UTRN: variants seen among roughly 807,000 people sequenced by gnomAD.
UTRN encodes the protein dystrophin-related protein 1.
Under a neutral mutation model 463.9 loss-of-function variants are expected in UTRN, and 283 were observed. That is an observed-to-expected ratio of 0.61 (90% CI 0.55 to 0.67). The LOEUF (loss-of-function observed/expected upper bound fraction) is 0.67, where lower values mean the gene tolerates loss of function less well. Among genes scored for constraint, UTRN ranks in the 30% least tolerant of loss-of-function variants. UTRN has a pLI of 0.00. For missense variants in UTRN, 3,922 were observed against 4,084.3 expected, an observed-to-expected ratio of 0.96 and a Z score of 1.08; for synonymous variants, 1,442 against 1,431.5, an observed-to-expected ratio of 1.01 and a Z score of -0.17.
intron 2 of UTRN, among the ~76,000 whole-genome samples, chr6:144,343,002 AGAGTCATACAGCTAC>A (rs1777265923): frequency 6.6e-6 from 1 of 152,142 alleles, no homozygotes; most frequent in African/African-American, 2.4e-5. Flanking sequence ...GTATTTTGCC[AGAGTCATACAGCTAC>A]TAGTCTAAGG....
chr6:144,605,216 GAC>G (rs1359330432), intron 51 of UTRN, among the ~76,000 whole-genome samples: 4 of 151,988 alleles, frequency 2.6e-5, no homozygotes, highest in African/African-American at 7.3e-5. Flanking sequence ...TATTTTCCAT[GAC>G]AGTTATATAT....
chr6:144,356,843 AAATAT>A (rs1385488657), intron 2 of UTRN, among the ~76,000 whole-genome samples: 1 of 143,732 alleles, frequency 7.0e-6, no homozygotes, highest in Non-Finnish European at 1.5e-5. Context: ...ATAAATAAAT[AAATAT>A]ATGTGTGTGT....
chr6:144,434,703 A>T (rs1786360111), intron 9 of UTRN, among the ~76,000 whole-genome samples: 1 of 152,198 alleles, frequency 6.6e-6, no homozygotes, highest in African/African-American at 2.4e-5. Context: ...AGTGGGGAGA[A>T]AAAAGAGCCT....
chr6:144,595,618 A>G (rs1238492583), intron 51 of UTRN, among the ~76,000 whole-genome samples: 1 of 152,196 alleles, frequency 6.6e-6, no homozygotes, highest in Non-Finnish European at 1.5e-5. Flanking sequence ...TCAGAGCAGG[A>G]CTAATAGCCC....
At chr6:144,767,545 C>G (rs1210741971) in intron 58 of UTRN, among the ~76,000 whole-genome samples, 2 of 152,160 alleles carry the variant, frequency 1.3e-5, no homozygotes, top group African/African-American at 4.8e-5. Flanking sequence ...TCTAAGCACT[C>G]TCTGCCCTAG....
At chr6:144,346,460 T>C (rs1777577916) in intron 2 of UTRN, among the ~76,000 whole-genome samples, 1 of 152,238 alleles carries the variant, frequency 6.6e-6, no homozygotes, top group African/African-American at 2.4e-5. Context: ...GATTTTTTTG[T>C]GTGTGTCCAT....
chr6:144,832,151 T>C (rs1313854417), intron 69 of UTRN, among the ~76,000 whole-genome samples: 1 of 152,262 alleles, frequency 6.6e-6, no homozygotes, highest in Admixed American at 6.5e-5. Context: ...TGGTACCTCA[T>C]GTTCTATCTG....
At chr6:144,337,284 T>C (rs1776812428) in intron 2 of UTRN, among the ~76,000 whole-genome samples, 1 of 152,140 alleles carries the variant, frequency 6.6e-6, no homozygotes, top group Non-Finnish European at 1.5e-5. Context: ...ACTCCTTCTA[T>C]CTACTCCTTC....
intron 37 of UTRN, among the ~76,000 whole-genome samples, chr6:144,515,478 G>GTT (rs980990106): frequency 1.9e-4 from 28 of 144,830 alleles, no homozygotes; most frequent in African/African-American, 7.0e-4. Context: ...CACAGAACTT[G>GTT]TTTTTTTTTT....
chr6:144,774,373 T>G lies in UTRN; in HGVS notation c.8632+9T>G, dbSNP rs372148576. ...ACAAAAAGCACTATGTTGTGAGTTA[T>G]TCTACCAAAGTTAATCAATCTGTTA... On this transcript the variant is annotated intron_variant, in intron 60 of 74. Coordinates refer to ENST00000367545, the MANE Select transcript of UTRN (RefSeq NM_007124.3). 2 of 1,575,244 alleles carry G rather than the reference T, an allele frequency of 1.3e-6. No individual in the cohort carries two copies. The highest frequency in any genetic ancestry group is 1.7e-6 in the Non-Finnish European group (2 of 1,168,466).
chr6:144,842,149 T>TGA (rs1781642443), intron 73 of UTRN, among the ~76,000 whole-genome samples: 1 of 144,180 alleles, frequency 6.9e-6, no homozygotes, highest in African/African-American at 2.5e-5. Context: ...TCCGAAATGA[T>TGA]GAAAAAGAGA....
chr6:144,414,920 G>A (rs1784242440), intron 3 of UTRN, among the ~76,000 whole-genome samples: 1 of 152,116 alleles, frequency 6.6e-6, no homozygotes, highest in African/African-American at 2.4e-5. Flanking sequence ...CACCACGTTA[G>A]CCAGGATGGT....
intron 41 of UTRN, among the ~76,000 whole-genome samples, chr6:144,529,956 C>A (rs940079723): frequency 6.6e-6 from 1 of 152,138 alleles, no homozygotes; most frequent in African/African-American, 2.4e-5. Flanking sequence ...ATAACAAGCA[C>A]TGGGTTTTAC....
At chr6:144,766,075 T>C (rs566911503) in intron 58 of UTRN, among the ~76,000 whole-genome samples, 1 of 151,426 alleles carries the variant, frequency 6.6e-6, no homozygotes, top group East Asian at 1.9e-4. Flanking sequence ...TCTCACCCAC[T>C]ACCTCCATCC....
intron 51 of UTRN, chr6:144,583,566 C>A (rs1217978405): frequency 1.4e-6 from 1 of 714,186 alleles, no homozygotes; most frequent in Middle Eastern, 2.3e-4. Flanking sequence ...CAAAGGATGG[C>A]AGTTTCTTCT....
chr6:144,707,405 A>G (rs1335781107), intron 53 of UTRN, among the ~76,000 whole-genome samples: 1 of 152,218 alleles, frequency 6.6e-6, no homozygotes, highest in African/African-American at 2.4e-5. Flanking sequence ...ATCAGGGAAG[A>G]AATCATGTCT....
intron 2 of UTRN, among the ~76,000 whole-genome samples, chr6:144,348,445 C>T (rs907423091): frequency 2.2e-4 from 33 of 152,116 alleles, no homozygotes; most frequent in African/African-American, 7.7e-4. Context: ...AATAAAGGAA[C>T]ACAGAATTTG....
intron 41 of UTRN, among the ~76,000 whole-genome samples, chr6:144,530,067 T>G (rs149546104): frequency 1.7e-3 from 265 of 152,358 alleles, no homozygotes; most frequent in Non-Finnish European, 2.8e-3. Flanking sequence ...TTGCTGTATT[T>G]AGGTAAATGG....
At chr6:144,405,895 A>G (rs1016574265) in intron 3 of UTRN, among the ~76,000 whole-genome samples, 1 of 152,218 alleles carries the variant, frequency 6.6e-6, no homozygotes, top group Non-Finnish European at 1.5e-5. Context: ...TACAATGGGC[A>G]AAAAACTAGT....
Sources: gnomAD v4.1 joint callset for allele counts (sites outside exome capture counted in the v4.1 genomes callset) on GRCh38, gnomAD v4.1.1 for gene constraint, MANE v1.5 for transcripts, NCBI Gene and HGNC (gene_info 2026-07-23, HGNC 2026-07-21) for gene names.